The following MALRD1 variants were observed in gnomAD, a reference collection of about 807,000 sequenced individuals.
The protein encoded by MALRD1 is MAM and LDL-receptor class A domain-containing protein 1.
Under a neutral mutation model 242.1 loss-of-function variants are expected in MALRD1, and 247 were observed. The observed-to-expected ratio is 1.02, with a 90% CI of 0.92 to 1.13. The LOEUF (loss-of-function observed/expected upper bound fraction) is 1.13, where lower values mean the gene tolerates loss of function less well. MALRD1 is among the 50% of genes most tolerant of loss of function. The pLI, the probability that MALRD1 is intolerant of heterozygous loss-of-function variation, is 0.00. For synonymous variants in MALRD1, 995 were observed against 866.6 expected, an observed-to-expected ratio of 1.15 and a Z score of -2.60; for missense variants, 2,989 against 2,533.1, an observed-to-expected ratio of 1.18 and a Z score of -3.86.
chr10:19,395,013 G>A (rs1846516750), intron 28 of MALRD1, among the ~76,000 whole-genome samples: 1 of 152,174 alleles, frequency 6.6e-6, no homozygotes, highest in Admixed American at 6.5e-5. Context: ...ACTTCTCCAA[G>A]ACTATCATGT....
At chr10:19,550,511 T>C (rs930291686) in intron 32 of MALRD1, among the ~76,000 whole-genome samples, 1 of 152,044 alleles carries the variant, frequency 6.6e-6, no homozygotes, top group Non-Finnish European at 1.5e-5. Flanking sequence ...CACCCTCCAA[T>C]AGGCCCCAGT....
At chr10:19,047,774 A>C (rs958224281), upstream of MALRD1, among the ~76,000 whole-genome samples, 5 of 152,090 alleles carry the variant, frequency 3.3e-5, no homozygotes, top group Non-Finnish European at 7.3e-5. Context: ...GTATGTATAT[A>C]CTTTTTCCCC....
At chr10:19,207,282 T>C (rs988454029) in intron 17 of MALRD1, among the ~76,000 whole-genome samples, 1 of 152,188 alleles carries the variant, frequency 6.6e-6, no homozygotes, top group African/African-American at 2.4e-5. Flanking sequence ...GCCCATTTTA[T>C]ACCATTTATT....
intron 28 of MALRD1, among the ~76,000 whole-genome samples, chr10:19,409,830 A>G (rs901368660): frequency 1.3e-5 from 2 of 152,190 alleles, no homozygotes; most frequent in African/African-American, 4.8e-5. Flanking sequence ...TTATATAGCC[A>G]AAATTTACTT....
chr10:19,728,959 A>C (rs1284500917), intron 38 of MALRD1, among the ~76,000 whole-genome samples: 4 of 152,258 alleles, frequency 2.6e-5, no homozygotes, highest in Non-Finnish European at 5.9e-5. Context: ...GCATTCAATT[A>C]GTGCTTAAGG....
intron 28 of MALRD1, among the ~76,000 whole-genome samples, chr10:19,421,053 C>T (rs544247259): frequency 6.6e-6 from 1 of 152,204 alleles, no homozygotes; most frequent in South Asian, 2.1e-4. Flanking sequence ...ATGAATATTC[C>T]CAAGGATATG....
intron 12 of MALRD1, among the ~76,000 whole-genome samples, chr10:19,163,749 T>C (rs1287485396): frequency 2.6e-5 from 4 of 152,184 alleles, no homozygotes; most frequent in Admixed American, 6.5e-5. Context: ...CAAAAGATAA[T>C]GGAACATTCC....
chr10:19,199,117 A>G (rs186771617), intron 14 of MALRD1, among the ~76,000 whole-genome samples: 1 of 152,204 alleles, frequency 6.6e-6, no homozygotes, highest in South Asian at 2.1e-4. Context: ...TAGAATACTC[A>G]ATTAACTTTT....
At chr10:19,206,931 C>A (rs1011335059) in intron 17 of MALRD1, among the ~76,000 whole-genome samples, 1 of 152,174 alleles carries the variant, frequency 6.6e-6, no homozygotes, top group African/African-American at 2.4e-5. Context: ...CCCCCAAGTT[C>A]ACATCACAGC....
At chr10:19,282,367 G>C (rs760117078) in intron 20 of MALRD1, among the ~76,000 whole-genome samples, 10 of 152,088 alleles carry the variant, frequency 6.6e-5, no homozygotes, top group Non-Finnish European at 1.5e-4. Context: ...AAAAGCTAGA[G>C]TGCACACCAG....
intron 29 of MALRD1, among the ~76,000 whole-genome samples, chr10:19,484,355 A>G (rs907791174): frequency 1.3e-5 from 2 of 152,248 alleles, no homozygotes; most frequent in Non-Finnish European, 2.9e-5. Flanking sequence ...TAATGCACCC[A>G]GATGTTCATA....
chr10:19,280,251 A>G (rs1178106443), intron 20 of MALRD1, 28 bp downstream of exon 20: 5 of 1,433,850 alleles, frequency 3.5e-6, no homozygotes, highest in Non-Finnish European at 4.6e-6. Context: ...ATTTGTTTAA[A>G]TACTGCTACA....
At chr10:19,577,414 C>T (rs2131495351) in intron 33 of MALRD1, among the ~76,000 whole-genome samples, 1 of 152,258 alleles carries the variant, frequency 6.6e-6, no homozygotes, top group Middle Eastern at 3.4e-3. Context: ...TAATACCAGG[C>T]AGGCTTAAGG....
At chr10:19,459,711 C>T (rs1003572021) in intron 29 of MALRD1, among the ~76,000 whole-genome samples, 6 of 151,594 alleles carry the variant, frequency 4.0e-5, no homozygotes, top group Middle Eastern at 3.4e-3. Flanking sequence ...CTTTATCTCT[C>T]AATAAAATTA....
intron 32 of MALRD1, among the ~76,000 whole-genome samples, chr10:19,563,498 G>A (rs1308161192): frequency 1.3e-5 from 2 of 152,114 alleles, no homozygotes; most frequent in East Asian, 3.8e-4. Flanking sequence ...GAGTGTAGCT[G>A]GGGCCAAGAA....
At chr10:19,515,444 T>C (rs1833581109) in intron 31 of MALRD1, among the ~76,000 whole-genome samples, 2 of 152,224 alleles carry the variant, frequency 1.3e-5, no homozygotes, top group African/African-American at 4.8e-5. Flanking sequence ...AATGAGAAAC[T>C]GTAGAAGAGG....
chr10:19,063,654 T>C (rs1220717797), intron 1 of MALRD1, among the ~76,000 whole-genome samples: 2 of 152,154 alleles, frequency 1.3e-5, no homozygotes, highest in Non-Finnish European at 2.9e-5. Flanking sequence ...CCATGGTGTA[T>C]ACATGCCACA....
At chr10:19,629,830 A>G (rs1839828825) in intron 36 of MALRD1, among the ~76,000 whole-genome samples, 1 of 152,116 alleles carries the variant, frequency 6.6e-6, no homozygotes, top group Admixed American at 6.6e-5. Flanking sequence ...CTCTGCTCTG[A>G]TCCTACACAG....
In MALRD1 at chr10:19,534,079, G is replaced by A. The variant is rs566485828; in HGVS notation, c.5478+2728G>A. 5.9e-5 allele frequency among the ~76,000 whole-genome samples: 9 copies of A among 152,276 alleles called. No homozygotes were observed. In the South Asian group the frequency reaches 1.4e-3, roughly 25 times the overall value. ...ACATGGGGACACAGAGCTAAAGAAA[G>A]GGGAAGAAACAGAAAGGTACCTGCT... On this transcript the variant is annotated intron_variant, in intron 32 of 39. Transcript: ENST00000454679.
Sources: allele counts gnomAD v4.1 joint callset (sites outside exome capture counted in the v4.1 genomes callset), GRCh38; gene constraint gnomAD v4.1.1; transcripts MANE v1.5; gene names NCBI Gene and HGNC (gene_info 2026-07-23, HGNC 2026-07-21).